DEFB119: variants seen among roughly 807,000 people sequenced by gnomAD.
The protein encoded by DEFB119 is defensin beta 119.
In DEFB119, 3 loss-of-function variants were observed where a neutral mutation model predicts 2.5. That is an observed-to-expected ratio of 1.19 (90% CI 0.54 to 3.07). The LOEUF (loss-of-function observed/expected upper bound fraction) is 3.07. Ranked by LOEUF, DEFB119 falls within the 30% of genes most tolerant of loss-of-function variation. The pLI is 0.03. For synonymous variants in DEFB119, 29 were observed against 33.7 expected (o/e 0.86, Z 0.48); for missense variants, 113 against 101.1 (o/e 1.12, Z -0.50).
chr20:31,383,026 A>AC (rs1436576988), intron 1 of DEFB119, among the ~76,000 whole-genome samples: 2 of 152,242 alleles, frequency 1.3e-5, no homozygotes, highest in African/African-American at 4.8e-5. Flanking sequence ...GAGCCAGTAA[A>AC]CAGAGAAAGA....
intron 1 of DEFB119, chr20:31,378,226 A>G (rs1413928118): frequency 6.9e-7 from 1 of 1,445,440 alleles, no homozygotes; most frequent in East Asian, 2.3e-5. Context: ...GACTTTCACC[A>G]CCACACAGTA....
chr20:31,386,726 A>T (rs1568731632), intron 1 of DEFB119, among the ~76,000 whole-genome samples: 1 of 152,078 alleles, frequency 6.6e-6, no homozygotes, highest in Non-Finnish European at 1.5e-5. Flanking sequence ...AGATAGGAGG[A>T]ATAAGTTCTA....
intron 1 of DEFB119, chr20:31,378,204 G>A: frequency 8.2e-7 from 1 of 1,212,948 alleles, no homozygotes; most frequent in South Asian, 1.4e-5. Flanking sequence ...AGAGGGCCTA[G>A]TGCAGAGTCA....
intron 1 of DEFB119, chr20:31,388,205 T>A (rs1986785252): frequency 1.0e-6 from 1 of 981,030 alleles, no homozygotes; most frequent in Non-Finnish European, 1.2e-6. Context: ...CCAATTCAAA[T>A]GAGACAGGCT....
intron 1 of DEFB119, chr20:31,387,969 C>T (rs1986775202): frequency 1.3e-6 from 1 of 749,484 alleles, no homozygotes; most frequent in South Asian, 6.0e-5. Context: ...ATAATGAACT[C>T]CTTCTGTCTG....
At chr20:31,388,233 C>T (rs1986786265) in intron 1 of DEFB119, 3 of 985,202 alleles carry the variant, frequency 3.0e-6, no homozygotes, top group South Asian at 9.4e-5. Flanking sequence ...CCCTCAGACT[C>T]TAACACAGTT....
intron 1 of DEFB119, among the ~76,000 whole-genome samples, chr20:31,384,421 T>A (rs898335765): frequency 4.6e-5 from 7 of 152,122 alleles, no homozygotes; most frequent in African/African-American, 1.7e-4. Flanking sequence ...ATACACCTAC[T>A]ATTTATCACA....
intron 1 of DEFB119, among the ~76,000 whole-genome samples, chr20:31,385,869 CA>C (rs57252125): frequency 0.097 from 13,541 of 138,916 alleles, 1,471 homozygotes; most frequent in African/African-American, 0.27. Context: ...GACCGTGTCT[CA>C]AAAAAAAAAA....
At position 31,378,355 on chromosome 20, in the gene DEFB119, G is replaced by A. The variant is rs116939471; in HGVS notation, c.62-916C>T. On this transcript the variant is annotated intron_variant, in intron 1 of 1. Coordinates refer to ENST00000376321, the MANE Select transcript of DEFB119 (RefSeq NM_153289.4). ...ATACACCTGGACTTCCACCCACCTG[G>A]CAGTATCCAGGCAGCATCCCACTGT... 7.1e-4 allele frequency: 1,153 copies of A among 1,614,130 alleles called. 11 individuals carry two copies. The East Asian group carries it at 0.024, about 34-fold the overall frequency.
intron 1 of DEFB119, chr20:31,389,245 A>T: frequency 6.2e-7 from 1 of 1,614,058 alleles, no homozygotes; most frequent in South Asian, 1.1e-5. Context: ...GGGGCATATG[A>T]ACAACAATTA....
At position 31,388,042 on chromosome 20, in the gene DEFB119, G is replaced by A. The variant is rs1468300455; in HGVS notation, c.61+2381C>T. On this transcript the variant is annotated intron_variant, in intron 1 of 1. Coordinates refer to ENST00000376321, the MANE Select transcript of DEFB119 (RefSeq NM_153289.4). ...GGTCCCTGGCCTCACTGCAGAGGAC[G>A]CAGTTCAGGGTGAAAAACTAACTGT... The A allele has an allele frequency of 1.2e-5, 12 of 985,134 alleles. No individual in the cohort carries two copies. In the South Asian group the frequency reaches 1.4e-4, roughly 12 times the overall value. 61.0% of individuals were successfully genotyped at this position (985,134 alleles called of 1,614,324 possible). A position where few individuals can be genotyped will look rare whatever the true frequency, so the allele number is the denominator to read the frequency against.
At chr20:31,382,499 A>C (rs1480585289) in intron 1 of DEFB119, among the ~76,000 whole-genome samples, 3 of 152,230 alleles carry the variant, frequency 2.0e-5, no homozygotes, top group African/African-American at 7.2e-5. Context: ...ACACATAGTA[A>C]GAACTAAATG....
rs1184134834 is a variant in DEFB119, at chr20:31,377,392, C to T, written c.109G>A (p.Ala37Thr). The change falls in exon 2 of 2, where the codon GCC becomes ACC. Residue 37 changes from alanine (A) to threonine (T), a missense_variant. Physicochemically the swap from Ala to Thr is moderately conservative, Grantham distance 58. Coordinates refer to ENST00000376321, the MANE Select transcript of DEFB119 (RefSeq NM_153289.4). ...RCMGNSGICR[A>T]SCKKNEQPYL... ...GGCTGTTCGTTCTTTTTGCAAGAGG[C>T]CCTACAAATTCCACTGTTACCCATG... is the stretch of plus-strand genomic sequence containing the variant. 1.9e-6 allele frequency: 3 copies of T among 1,613,674 alleles called. No homozygotes were observed. The highest frequency in any genetic ancestry group is 2.5e-6 in the Non-Finnish European group (3 of 1,179,902).
At chr20:31,388,044 A>T in intron 1 of DEFB119, 2 of 985,368 alleles carry the variant, frequency 2.0e-6, no homozygotes, top group Non-Finnish European at 1.2e-6. Flanking sequence ...CAGAGGACGC[A>T]GTTCAGGGTG....
intron 1 of DEFB119, among the ~76,000 whole-genome samples, chr20:31,382,776 G>A (rs972276950): frequency 6.6e-6 from 1 of 152,214 alleles, no homozygotes; most frequent in African/African-American, 2.4e-5. Context: ...CCCAGCACTG[G>A]GCTTAACATC....
Position 31,377,211 on chromosome 20 carries a change from T to A in DEFB119, c.*35A>T, listed in dbSNP as rs709045. The A allele has an allele frequency of 6.7e-5, 105 of 1,563,506 alleles. No homozygotes were observed. In the African/African-American group the frequency reaches 1.2e-3, roughly 18 times the overall value. On this transcript the variant is annotated 3_prime_UTR_variant, in exon 2 of 2. Transcript: ENST00000376321. ...GAGGGGGGTTGACAGCAGGTCTCTG[T>A]GCCCAGAGAGCTTGAGAATGGTAAT...
intron 1 of DEFB119, among the ~76,000 whole-genome samples, chr20:31,384,862 T>C (rs1378302210): frequency 3.9e-5 from 6 of 152,218 alleles, no homozygotes; most frequent in African/African-American, 1.4e-4. Context: ...ATTATCATTC[T>C]TTTCTTTTTG....
At chr20:31,383,631 C>G (rs985786787) in intron 1 of DEFB119, among the ~76,000 whole-genome samples, 2 of 150,872 alleles carry the variant, frequency 1.3e-5, no homozygotes, top group African/African-American at 4.9e-5. Context: ...GTCAGGAGAT[C>G]GAGACCATCC....
chr20:31,379,900 C>A (rs546141673), intron 1 of DEFB119, among the ~76,000 whole-genome samples: 3 of 152,078 alleles, frequency 2.0e-5, no homozygotes, highest in Non-Finnish European at 4.4e-5. Context: ...TTCCTGACCT[C>A]GTGATCTGCC....
Sources: allele counts gnomAD v4.1 joint callset (sites outside exome capture counted in the v4.1 genomes callset), GRCh38; gene constraint gnomAD v4.1.1; transcripts MANE v1.5; gene names NCBI Gene and HGNC (gene_info 2026-07-23, HGNC 2026-07-21).